SPTBN5: variants seen among roughly 807,000 people sequenced by gnomAD.
SPTBN5 encodes spectrin beta, non-erythrocytic 5.
Under a neutral mutation model 477.6 loss-of-function variants are expected in SPTBN5, and 513 were observed. The observed-to-expected ratio is 1.07, with a 90% CI of 1.00 to 1.16. SPTBN5 has a LOEUF of 1.16. Ranked by LOEUF, SPTBN5 falls within the 50% of genes most tolerant of loss-of-function variation. The pLI, the probability that SPTBN5 is intolerant of heterozygous loss-of-function variation, is 0.00. For missense variants in SPTBN5, 5,062 were observed against 4,731.8 expected (o/e 1.07, Z -2.05); for synonymous variants, 2,169 against 2,011.7 (o/e 1.08, Z -2.09).
rs1567214968 is a variant in SPTBN5 at position 41,875,073 on chromosome 15, G to A, written c.4288-17C>T. The A allele has an allele frequency of 1.3e-6, 2 of 1,599,190 alleles. No homozygotes were observed. Among genetic ancestry groups the A allele is most frequent in the South Asian group, 2.2e-5 (2 of 89,256 alleles). On this transcript the variant is annotated splice_polypyrimidine_tract_variant and intron_variant, in intron 22 of 67. Transcript: ENST00000320955. Reference sequence around the variant, plus strand: ...CTTTGCATCCTGGGAGGGACGCATGGAGCTGCATTAGGTTCTCTGTGTACA... The same window carrying A: ...CTTTGCATCCTGGGAGGGACGCATGAAGCTGCATTAGGTTCTCTGTGTACA...
intron 7 of SPTBN5, among the ~76,000 whole-genome samples, chr15:41,884,134 C>T (rs1046386888): frequency 1.5e-4 from 23 of 152,248 alleles, no homozygotes; most frequent in Admixed American, 1.1e-3. Flanking sequence ...TACAGGTGCC[C>T]GCCACCACAC....
At chr15:41,853,985 G>A in intron 57 of SPTBN5, 65 bp downstream of exon 57, 2 of 1,500,530 alleles carry the variant, frequency 1.3e-6, no homozygotes, top group East Asian at 2.5e-5. Context: ...GGCTGAGATA[G>A]GTCCCCTCAG....
At chr15:41,853,158 T>TC in intron 59 of SPTBN5, 100 bp downstream of exon 59, 2 of 1,500,676 alleles carry the variant, frequency 1.3e-6, no homozygotes, top group Non-Finnish European at 1.8e-6. Flanking sequence ...CGCCCAGCCT[T>TC]CCTTTCCTGC....
chr15:41,861,397 C>T (rs933101730), intron 46 of SPTBN5, 22 bp downstream of exon 46: 5 of 1,603,090 alleles, frequency 3.1e-6, no homozygotes, highest in Admixed American at 3.3e-5. Flanking sequence ...CCCCCTCCTG[C>T]CCATTCCTGC....
chr15:41,884,824 CT>C (rs1409061380), intron 7 of SPTBN5, among the ~76,000 whole-genome samples: 1 of 152,168 alleles, frequency 6.6e-6, no homozygotes, highest in Admixed American at 6.5e-5. Flanking sequence ...GGCCTCCAGG[CT>C]ATTTTTCAAA....
chr15:41,853,589 C>G lies in SPTBN5; in HGVS notation c.9973G>C (p.Glu3325Gln). The G allele has an allele frequency of 6.4e-7, 1 of 1,573,356 alleles. No homozygotes were observed. Among genetic ancestry groups the G allele is most frequent in the South Asian group, 1.1e-5 (1 of 88,586 alleles). The stretch of plus-strand genomic sequence containing the variant: ...CTGAGGTAGGACACCTACAGCAGTT[C>G]CTGGCAGCGCCCGAGGAAGGCATGG... ...QGHAFLGRCQELLAWAQERQE... is the reference protein window; with the variant it reads ...QGHAFLGRCQQLLAWAQERQE... Residue 3325 changes from glutamate to glutamine, a missense_variant, in exon 58 of 68, where the codon GAA (glutamate) becomes CAA (glutamine). Glu to Gln is a conservative substitution (Grantham distance 29). Transcript: ENST00000320955.
chr15:41,885,181 G>A (rs1461522269), intron 7 of SPTBN5, among the ~76,000 whole-genome samples: 1 of 152,046 alleles, frequency 6.6e-6, no homozygotes, highest in East Asian at 1.9e-4. Flanking sequence ...CCGCCACCAC[G>A]CCTGGCTAAT....
Position 41,873,876 on chromosome 15 carries a change from T to C in SPTBN5, c.4859A>G (p.Gln1620Arg), listed in dbSNP as rs766998978. ...ELERACEARA[Q>R]CLQQAVTFQQ... is the part of the protein sequence containing the mutation. Reference sequence around the variant, plus strand: ...GAAAGTGACAGCCTGCTGCAGACACTGGGCCCGCGCTTCACATGCCCTCTC... The same window carrying C: ...GAAAGTGACAGCCTGCTGCAGACACCGGGCCCGCGCTTCACATGCCCTCTC... The change falls in exon 25 of 68, where the codon CAG becomes CGG. Residue 1620 changes from glutamine to arginine, a missense_variant. Gln to Arg is a conservative substitution (Grantham distance 43, BLOSUM62 1). Coordinates refer to ENST00000320955, the MANE Select transcript of SPTBN5 (RefSeq NM_016642.4). 1 of 1,611,328 alleles carries C rather than the reference T, an allele frequency of 6.2e-7. No individual in the cohort carries two copies.
Position 41,893,559 on chromosome 15 carries a change from C to T in SPTBN5, c.-49-13G>A. The T allele has an allele frequency of 6.5e-7, 1 of 1,529,784 alleles. No individual in the cohort carries two copies. Among genetic ancestry groups the T allele is most frequent in the Non-Finnish European group, 8.7e-7 (1 of 1,143,638 alleles). The allele number at this position is 1,529,784 out of a possible 1,614,324, so 94.8% of individuals were successfully genotyped here. ...TGGCTCCCTAAACCTGGAGGGCATG[C>T]AGATTAGGGGATGATGTGAATGGAG... On this transcript the variant is annotated splice_polypyrimidine_tract_variant and intron_variant, in intron 1 of 67. Coordinates refer to ENST00000320955, the MANE Select transcript of SPTBN5 (RefSeq NM_016642.4).
chr15:41,876,411 G>A, intron 20 of SPTBN5, 127 bp from the exon 21 acceptor site: 1 of 1,367,742 alleles, frequency 7.3e-7, no homozygotes, highest in Non-Finnish European at 1.0e-6. Context: ...GAGCTGTGTT[G>A]CCTGCCTCAC....
In SPTBN5 at chr15:41,882,075, C is replaced by T. The variant is rs1402803888; in HGVS notation, c.2318G>A (p.Cys773Tyr). The change falls in exon 12 of 68, where the codon TGC becomes TAC. Residue 773 changes from cysteine (C) to tyrosine (Y), a missense_variant. Coordinates refer to ENST00000320955, the MANE Select transcript of SPTBN5 (RefSeq NM_016642.4). ...CTCGGCGGCCGCCTGGTCCTGACCGCAGGACGCTCTCTCCAGCGAGGATCG... is the reference window on the plus strand; with the variant it reads ...CTCGGCGGCCGCCTGGTCCTGACCGTAGGACGCTCTCTCCAGCGAGGATCG... The part of the protein sequence containing the change: ...ERRSSLERAS[C>Y]GQDQAAAETL... The T allele has an allele frequency of 4.5e-6, 7 of 1,569,942 alleles. No homozygotes were observed. Among genetic ancestry groups the T allele is most frequent in the Non-Finnish European group, 6.0e-6 (7 of 1,169,434 alleles).
At chr15:41,876,463 G>A (rs2066731232) in intron 20 of SPTBN5, 85 bp downstream of exon 20, 3 of 1,382,534 alleles carry the variant, frequency 2.2e-6, no homozygotes, top group African/African-American at 2.9e-5. Context: ...CGTGAGGAAA[G>A]TGCTCTGTAG....
At position 41,868,591 on chromosome 15, in the gene SPTBN5, T is replaced by C. The variant is rs780991617; in HGVS notation, c.5864A>G (p.Tyr1955Cys). The change falls in exon 33 of 68, where the codon TAT (tyrosine) becomes TGT (cysteine). Residue 1955 changes from tyrosine to cysteine, a missense_variant. Coordinates refer to ENST00000320955, the MANE Select transcript of SPTBN5 (RefSeq NM_016642.4). The part of the protein sequence containing the change: ...LARFRTAVRD[Y>C]ASWAARVRQD... ...GCGCACGCGGGCTGCCCAGGAGGCATAGTCACGCACCTGATCCCGGGGACA... is the reference window on the plus strand; with the variant it reads ...GCGCACGCGGGCTGCCCAGGAGGCACAGTCACGCACCTGATCCCGGGGACA... The C allele has an allele frequency of 6.3e-6, 10 of 1,599,414 alleles. No homozygotes were observed. The highest frequency in any genetic ancestry group is 3.3e-5 in the Admixed American group (2 of 59,984).
chr15:41,864,359 CTGT>C (rs144996540), intron 39 of SPTBN5, among the ~76,000 whole-genome samples: 5,359 of 152,290 alleles, frequency 0.035, 164 homozygotes, highest in South Asian at 0.053. Context: ...CTCTGTTGCA[CTGT>C]TGTTGTAGTG....
At chr15:41,860,435 G>T in intron 47 of SPTBN5, 151 bp downstream of exon 47, 2 of 726,222 alleles carry the variant, frequency 2.8e-6, no homozygotes, top group Non-Finnish European at 3.9e-6. Context: ...CAGGGCCAGG[G>T]GTGGTGGGGA....
chr15:41,848,570 G>A lies in SPTBN5; in HGVS notation c.*46C>T, dbSNP rs1300370318. 9 of 1,612,472 alleles carry A rather than the reference G, an allele frequency of 5.6e-6. No individual in the cohort carries two copies. The highest frequency in any genetic ancestry group is 5.3e-5 in the African/African-American group (4 of 74,884). ...AGTCTTATTCTGGTCCCTTAGATGT[G>A]TCCTCGCTTGTGCCCCTGAAGTTTG... is the stretch of plus-strand genomic sequence containing the variant. On this transcript the variant is annotated 3_prime_UTR_variant, in exon 68 of 68. Transcript: ENST00000320955.
rs201700757 is a variant in SPTBN5 at position 41,853,645 on chromosome 15, C to T, written c.9917G>A (p.Arg3306Gln). The change falls in exon 58 of 68, where the codon CGA becomes CAA. Residue 3306 changes from arginine to glutamine, a missense_variant. By Grantham distance (43) the Arg-to-Gln change is conservative. Coordinates refer to ENST00000320955, the MANE Select transcript of SPTBN5 (RefSeq NM_016642.4). ...TGCAGCCTGCGCCAGCCACTGGCCT[C>T]GCTCCTGGGCCTTCGCCTGCAGGGT... ...WATLQAKAQE[R>Q]GQWLAQAAQG... is the part of the protein sequence containing the mutation. 1.4e-5 allele frequency: 22 copies of T among 1,593,924 alleles called. No homozygotes were observed. Among genetic ancestry groups the T allele is most frequent in the Middle Eastern group, 1.7e-4 (1 of 6,058 alleles).
Position 41,879,257 on chromosome 15 carries a change from T to C in SPTBN5, c.3182+3A>G, listed in dbSNP as rs1169896076. 6.2e-7 allele frequency: 1 copy of C among 1,609,518 alleles called. No individual in the cohort carries two copies. The highest frequency in any genetic ancestry group is 8.5e-7 in the Non-Finnish European group (1 of 1,178,212). ...CCCAATGCCACCACTGCGCTGGCCG[T>C]ACTTTACGACCACACTTTGGAGGAA... On this transcript the variant is annotated splice_donor_region_variant and intron_variant, in intron 16 of 67. Coordinates refer to ENST00000320955, the MANE Select transcript of SPTBN5 (RefSeq NM_016642.4).
intron 24 of SPTBN5, 94 bp from the exon 25 acceptor site, chr15:41,874,139 A>T (rs1003022321): frequency 2.4e-5 from 36 of 1,508,658 alleles, no homozygotes; most frequent in Non-Finnish European, 3.1e-5. Context: ...TCATGGCAAG[A>T]CCCCCAGGGT....
Sources: allele counts gnomAD v4.1 joint callset (sites outside exome capture counted in the v4.1 genomes callset), GRCh38; gene constraint gnomAD v4.1.1; transcripts MANE v1.5; gene names NCBI Gene and HGNC (gene_info 2026-07-23, HGNC 2026-07-21).